Variants in SCAPER observed in about 807,000 individuals in gnomAD.
The protein encoded by SCAPER is S-phase cyclin A associated protein in the ER.
Under a neutral mutation model 182.2 loss-of-function variants are expected in SCAPER, and 98 were observed. The ratio of observed to expected loss-of-function variants is 0.54; its 90% CI spans 0.46 to 0.64. SCAPER has a LOEUF of 0.64. Ranked by LOEUF, SCAPER falls within the 30% of genes least tolerant of loss-of-function variation. The pLI, the probability that SCAPER is intolerant of heterozygous loss-of-function variation, is 0.00. For synonymous variants in SCAPER, 605 were observed against 564.6 expected (o/e 1.07, Z -1.01); for missense variants, 1,432 against 1,690.0 (o/e 0.85, Z 2.68).
intron 24 of SCAPER, among the ~76,000 whole-genome samples, chr15:76,483,968 TGA>T (rs1186021370): frequency 5.3e-5 from 8 of 152,296 alleles, no homozygotes; most frequent in Non-Finnish European, 1.0e-4. Flanking sequence ...AGTCATCATA[TGA>T]TCCAGAATCA....
intron 5 of SCAPER, among the ~76,000 whole-genome samples, chr15:76,827,899 A>G (rs142291290): frequency 4.6e-5 from 7 of 152,314 alleles, no homozygotes; most frequent in Non-Finnish European, 7.3e-5. Flanking sequence ...TTAAAAACTC[A>G]TGTTGAAATT....
chr15:76,501,321 G>C (rs1433962290), intron 24 of SCAPER, among the ~76,000 whole-genome samples: 1 of 141,324 alleles, frequency 7.1e-6, no homozygotes, highest in African/African-American at 2.6e-5. Context: ...ATTTCCAGAA[G>C]TAGGTATAAC....
chr15:76,426,454 A>G (rs1450855641), intron 26 of SCAPER, among the ~76,000 whole-genome samples: 2 of 152,152 alleles, frequency 1.3e-5, no homozygotes, highest in Non-Finnish European at 2.9e-5. Flanking sequence ...TCAGTTGGAA[A>G]TGCAGAAATC....
chr15:76,827,353 G>A (rs2068101464), intron 5 of SCAPER, among the ~76,000 whole-genome samples: 1 of 152,164 alleles, frequency 6.6e-6, no homozygotes, highest in African/African-American at 2.4e-5. Flanking sequence ...ACTCGGTCCT[G>A]AGGACTCAGC....
At chr15:76,714,560 T>TAGC (rs1312892658) in intron 17 of SCAPER, among the ~76,000 whole-genome samples, 3 of 149,502 alleles carry the variant, frequency 2.0e-5, no homozygotes, top group Non-Finnish European at 4.4e-5. Context: ...GTAGTAGTAG[T>TAGC]AGTAGCAGTA....
At chr15:76,548,248 T>A (rs1266701690) in intron 23 of SCAPER, among the ~76,000 whole-genome samples, 1 of 152,194 alleles carries the variant, frequency 6.6e-6, no homozygotes, top group Non-Finnish European at 1.5e-5. Flanking sequence ...TGGAGTTACT[T>A]CTAAACAGAA....
At chr15:76,568,240 TATGAATTCAATTATGTTCC>T (rs906454636) in intron 23 of SCAPER, among the ~76,000 whole-genome samples, 1 of 149,862 alleles carries the variant, frequency 6.7e-6, no homozygotes, top group Non-Finnish European at 1.5e-5. Flanking sequence ...TGGGACTGTT[TATGAATTCAATTATGTTCC>T]ATTCTTCTTT....
rs563080734 is a variant in SCAPER, at chr15:76,689,100, A to G, written c.2508+12658T>C. Among the ~76,000 whole-genome samples, 693 of 152,092 alleles carry G rather than the reference A, an allele frequency of 4.6e-3. 7 individuals carry two copies. The highest frequency in any genetic ancestry group is 0.016 in the African/African-American group (660 of 41,524). Reference sequence around the variant, plus strand: ...CCTGACCTAGTGATCCGCCCGCCTCAGCCTTTCAAAGTGCTGGGATTACAG... The same window carrying G: ...CCTGACCTAGTGATCCGCCCGCCTCGGCCTTTCAAAGTGCTGGGATTACAG... On this transcript the variant is annotated intron_variant, in intron 20 of 31. Coordinates refer to ENST00000563290, the MANE Select transcript of SCAPER (RefSeq NM_020843.4).
chr15:76,572,501 G>A (rs899172335), intron 23 of SCAPER, among the ~76,000 whole-genome samples: 1 of 152,168 alleles, frequency 6.6e-6, no homozygotes, highest in African/African-American at 2.4e-5. Flanking sequence ...GGCTGCTTTC[G>A]ATTCCTCCAG....
chr15:76,537,187 T>A (rs986248812), intron 23 of SCAPER, among the ~76,000 whole-genome samples: 22 of 150,986 alleles, frequency 1.5e-4, no homozygotes, highest in Admixed American at 6.6e-4. Flanking sequence ...AAGCTACCGA[T>A]GACTTTCTTC....
intron 8 of SCAPER, among the ~76,000 whole-genome samples, chr15:76,781,996 C>A (rs1036621697): frequency 6.6e-5 from 10 of 152,082 alleles, no homozygotes; most frequent in Non-Finnish European, 1.2e-4. Flanking sequence ...GGCAAAATAA[C>A]CAGTTAACAT....
intron 15 of SCAPER, among the ~76,000 whole-genome samples, chr15:76,738,678 C>A (rs114959012): frequency 0.016 from 2,363 of 152,182 alleles, 63 homozygotes; most frequent in African/African-American, 0.055. Flanking sequence ...GTCAGTGGAG[C>A]AGTCAGAACA....
At chr15:76,603,988 G>C (rs1465673098) in intron 22 of SCAPER, among the ~76,000 whole-genome samples, 3 of 121,478 alleles carry the variant, frequency 2.5e-5, no homozygotes, top group Non-Finnish European at 6.0e-5. Context: ...TGTTCAGTCT[G>C]ATGGTAGTTT....
chr15:76,677,560 C>A (rs940427746), intron 20 of SCAPER, among the ~76,000 whole-genome samples: 2 of 151,468 alleles, frequency 1.3e-5, no homozygotes, highest in African/African-American at 4.9e-5. Flanking sequence ...TGGCTAATTC[C>A]ACACACACAA....
chr15:76,616,415 G>A (rs953713770), intron 22 of SCAPER, among the ~76,000 whole-genome samples: 1 of 152,112 alleles, frequency 6.6e-6, no homozygotes, highest in Non-Finnish European at 1.5e-5. Flanking sequence ...GTTACCCAGA[G>A]TAGTCAAAAT....
At chr15:76,860,356 G>A (rs1174802373) in intron 3 of SCAPER, among the ~76,000 whole-genome samples, 1 of 152,144 alleles carries the variant, frequency 6.6e-6, no homozygotes, top group Non-Finnish European at 1.5e-5. Context: ...TTAAGAAGCT[G>A]AATTTCAAAA....
At chr15:76,658,222 G>A (rs1289007204) in intron 21 of SCAPER, among the ~76,000 whole-genome samples, 2 of 152,022 alleles carry the variant, frequency 1.3e-5, no homozygotes, top group Non-Finnish European at 2.9e-5. Flanking sequence ...ACCATTTCAG[G>A]ATATAAAATC....
At chr15:76,574,128 A>C (rs1163623352) in intron 23 of SCAPER, 30 bp downstream of exon 23, 3 of 1,576,898 alleles carry the variant, frequency 1.9e-6, no homozygotes, top group African/African-American at 2.7e-5. Context: ...ACAAAGATTA[A>C]GGTTCAAAAG....
intron 25 of SCAPER, among the ~76,000 whole-genome samples, chr15:76,444,173 T>C (rs1286987473): frequency 1.3e-5 from 2 of 152,326 alleles, no homozygotes; most frequent in East Asian, 3.9e-4. Context: ...GGGAAATCAT[T>C]GGGCATCCAC....
Sources: allele counts gnomAD v4.1 joint callset (sites outside exome capture counted in the v4.1 genomes callset), GRCh38; gene constraint gnomAD v4.1.1; transcripts MANE v1.5; gene names NCBI Gene and HGNC (gene_info 2026-07-23, HGNC 2026-07-21).